The following FHIT variants were observed in gnomAD, a reference collection of about 807,000 sequenced individuals.
The protein encoded by FHIT is fragile histidine triad diadenosine triphosphatase, also known as bis(5'-adenosyl)-triphosphatase.
A neutral mutation model predicts 17.9 loss-of-function variants in FHIT; 19 were observed. The ratio of observed to expected loss-of-function variants is 1.06; its 90% CI spans 0.74 to 1.56. The LOEUF is 1.56. Among genes scored for constraint, FHIT ranks in the 40% most tolerant of loss-of-function variants. The pLI is 0.00. For synonymous variants in FHIT, 81 were observed against 69.7 expected, an observed-to-expected ratio of 1.16 and a Z score of -0.81; for missense variants, 248 against 189.2, an observed-to-expected ratio of 1.31 and a Z score of -1.82.
intron 4 of FHIT, among the ~76,000 whole-genome samples, chr3:60,815,282 T>A (rs1701700353): frequency 6.6e-6 from 1 of 152,138 alleles, no homozygotes; most frequent in Admixed American, 6.6e-5. Flanking sequence ...TTGCAATTGC[T>A]TTTGAGGACT....
At chr3:60,147,507 G>A (rs1055291480) in intron 5 of FHIT, among the ~76,000 whole-genome samples, 5 of 152,088 alleles carry the variant, frequency 3.3e-5, no homozygotes, top group African/African-American at 1.2e-4. Flanking sequence ...ATAATACAGA[G>A]GTGAAAGTTC....
At chr3:60,662,950 A>G (rs2040293693) in intron 4 of FHIT, among the ~76,000 whole-genome samples, 1 of 151,268 alleles carries the variant, frequency 6.6e-6, no homozygotes, top group Admixed American at 6.6e-5. Flanking sequence ...TTTTTTCCCA[A>G]TGGATGTCTA....
intron 5 of FHIT, among the ~76,000 whole-genome samples, chr3:60,156,857 C>T (rs955046966): frequency 8.5e-5 from 13 of 152,068 alleles, no homozygotes; most frequent in African/African-American, 3.1e-4. Flanking sequence ...ACTCTGTCCT[C>T]TTGGCAACAA....
intron 5 of FHIT, among the ~76,000 whole-genome samples, chr3:60,053,748 T>C (rs1701976450): frequency 6.6e-6 from 1 of 152,150 alleles, no homozygotes; most frequent in South Asian, 2.1e-4. Flanking sequence ...TGCCTCCTTG[T>C]GGTCCTCTCC....
At chr3:60,616,292 T>C (rs72889617) in intron 4 of FHIT, among the ~76,000 whole-genome samples, 2,040 of 152,304 alleles carry the variant, frequency 0.013, 57 homozygotes, top group African/African-American at 0.047. Context: ...TTTGAAAATA[T>C]AAGCAAAAGT....
At chr3:61,230,488 G>T (rs1450444460) in intron 1 of FHIT, among the ~76,000 whole-genome samples, 1 of 152,136 alleles carries the variant, frequency 6.6e-6, no homozygotes, top group Non-Finnish European at 1.5e-5. Context: ...ACAGCCTGAA[G>T]ATCTGTGAGC....
intron 1 of FHIT, among the ~76,000 whole-genome samples, chr3:61,231,101 A>C (rs2040088269): frequency 6.6e-6 from 1 of 152,242 alleles, no homozygotes; most frequent in South Asian, 2.1e-4. Flanking sequence ...AAATGTTATC[A>C]TGAAGAGAAA....
At chr3:60,715,347 A>G (rs1345348816) in intron 4 of FHIT, among the ~76,000 whole-genome samples, 2 of 152,142 alleles carry the variant, frequency 1.3e-5, no homozygotes, top group African/African-American at 2.4e-5. Context: ...ACTATTCGCA[A>G]TAGCAAAGAC....
intron 5 of FHIT, among the ~76,000 whole-genome samples, chr3:60,379,529 C>A (rs1036143714): frequency 2.0e-5 from 3 of 152,074 alleles, no homozygotes; most frequent in Non-Finnish European, 2.9e-5. Context: ...GTTTTCTTTC[C>A]ATAACTGGAA....
chr3:60,392,489 G>C (rs998361117), intron 5 of FHIT, among the ~76,000 whole-genome samples: 1 of 152,164 alleles, frequency 6.6e-6, no homozygotes, highest in Non-Finnish European at 1.5e-5. Context: ...TGAAGAGGAA[G>C]AAGGACTGAT....
At chr3:61,001,686 A>T (rs2031095844) in intron 3 of FHIT, among the ~76,000 whole-genome samples, 1 of 152,222 alleles carries the variant, frequency 6.6e-6, no homozygotes, top group Non-Finnish European at 1.5e-5. Context: ...CTACAGGGGT[A>T]GCATGAGGGA....
At chr3:60,776,276 T>C (rs1553724433) in intron 4 of FHIT, among the ~76,000 whole-genome samples, 1 of 152,132 alleles carries the variant, frequency 6.6e-6, no homozygotes, top group African/African-American at 2.4e-5. Context: ...AGCAACTGGG[T>C]TTTCTTCTGC....
chr3:60,666,132 A>G (rs1358855435), intron 4 of FHIT, among the ~76,000 whole-genome samples: 1 of 152,164 alleles, frequency 6.6e-6, no homozygotes, highest in Non-Finnish European at 1.5e-5. Flanking sequence ...CATGATTTAT[A>G]AAACTCAAAG....
chr3:60,505,995 T>C (rs1000848065), intron 5 of FHIT, among the ~76,000 whole-genome samples: 1 of 152,188 alleles, frequency 6.6e-6, no homozygotes, highest in Non-Finnish European at 1.5e-5. Context: ...AAAAGTCTGG[T>C]TTGATGACTC....
intron 4 of FHIT, among the ~76,000 whole-genome samples, chr3:60,594,976 T>C (rs555463033): frequency 6.6e-6 from 1 of 152,214 alleles, no homozygotes; most frequent in South Asian, 2.1e-4. Context: ...TTCCTGGACC[T>C]TTTGTTTCCA....
At chr3:61,135,600 T>C (rs73839934) in intron 2 of FHIT, among the ~76,000 whole-genome samples, 17 of 145,054 alleles carry the variant, frequency 1.2e-4, no homozygotes, top group Middle Eastern at 3.6e-3. Flanking sequence ...CACACACACA[T>C]ACACACACAC....
At chr3:60,118,580 TC>T (rs1559648402) in intron 5 of FHIT, among the ~76,000 whole-genome samples, 2 of 151,870 alleles carry the variant, frequency 1.3e-5, no homozygotes, top group Non-Finnish European at 1.5e-5. Context: ...GAATCTTTGG[TC>T]TCCCCAGAGG....
chr3:59,948,222 C>T (rs75163049), intron 7 of FHIT, among the ~76,000 whole-genome samples: 1,673 of 151,860 alleles, frequency 0.011, 31 homozygotes, highest in African/African-American at 0.038. Context: ...AGAAATCACT[C>T]GGCCAGGCGC....
intron 2 of FHIT, among the ~76,000 whole-genome samples, chr3:61,043,644 T>C (rs1238191978): frequency 6.6e-6 from 1 of 152,194 alleles, no homozygotes; most frequent in African/African-American, 2.4e-5. Context: ...TCTCCCACCA[T>C]GGAGTTTGAC....
Sources: allele counts gnomAD v4.1 joint callset (sites outside exome capture counted in the v4.1 genomes callset), GRCh38; gene constraint gnomAD v4.1.1; transcripts MANE v1.5; gene names NCBI Gene and HGNC (gene_info 2026-07-23, HGNC 2026-07-21).